ELAC2: variants seen among roughly 807,000 people sequenced by gnomAD.
ELAC2 encodes the protein elaC ribonuclease Z 2.
A neutral mutation model predicts 105.2 loss-of-function variants in ELAC2; 92 were observed. The observed-to-expected ratio is 0.87, with a 90% CI of 0.74 to 1.04. ELAC2 has a LOEUF of 1.04. ELAC2 is among the 50% of genes least tolerant of loss of function. The pLI is 0.00. For synonymous variants in ELAC2, 468 were observed against 409.1 expected (o/e 1.14, Z -1.74); for missense variants, 1,099 against 1,071.7 (o/e 1.03, Z -0.36).
In ELAC2 at chr17:13,000,242, A is replaced by C; in HGVS notation, c.1337T>G (p.Phe446Cys). 6.2e-7 allele frequency: 1 copy of C among 1,614,148 alleles called. No homozygotes were observed. Among genetic ancestry groups the C allele is most frequent in the Non-Finnish European group, 8.5e-7 (1 of 1,180,036 alleles). ...DAIITCNPEE[F>C]IVEALQLPNF... is the part of the protein sequence containing the mutation. ...GGGAAGCTGCAGCGCCTCAACTATG[A>C]ATTCCTCAGGATTGCAAGTAATAAT... Residue 446 changes from phenylalanine to cysteine, a missense_variant, in exon 15 of 24, where the codon TTC becomes TGC. Physicochemically the swap from Phe to Cys is radical, Grantham distance 205. Transcript: ENST00000338034.
chr17:13,011,527 G>C, intron 7 of ELAC2, 136 bp downstream of exon 7: 1 of 1,454,812 alleles, frequency 6.9e-7, no homozygotes, highest in South Asian at 1.2e-5. Flanking sequence ...AACGGGCCAA[G>C]TTATAGTAAG....
chr17:12,994,178 T>C (rs1309404020), intron 22 of ELAC2, among the ~76,000 whole-genome samples: 2 of 152,212 alleles, frequency 1.3e-5, no homozygotes, highest in Non-Finnish European at 2.9e-5. Context: ...ACATGGCTTA[T>C]AGTTTATTCA....
At chr17:12,994,385 G>T (rs372106847) in intron 22 of ELAC2, 40 bp downstream of exon 22, 1 of 1,608,548 alleles carries the variant, frequency 6.2e-7, no homozygotes, top group Admixed American at 1.7e-5. Flanking sequence ...GTGGGGGAGG[G>T]AGAGGATGTG....
At position 12,993,801 on chromosome 17, in the gene ELAC2, C is replaced by T; in HGVS notation, c.2139G>A (p.Met713Ile). The T allele has an allele frequency of 1.2e-6, 2 of 1,614,204 alleles. No homozygotes were observed. The highest frequency in any genetic ancestry group is 1.7e-6 in the Non-Finnish European group (2 of 1,180,046). Residue 713 changes from methionine (M) to isoleucine (I), a missense_variant, in exon 23 of 24, where the codon ATG becomes ATA. By Grantham distance (10) the Met-to-Ile change is conservative. Transcript: ENST00000338034. ...STTSQAISVGMRMNAEFIMLN... is the reference protein window; with the variant it reads ...STTSQAISVGIRMNAEFIMLN... ...GCATAATGAACTCCGCGTTCATCCGCATCCCCACGCTGATGGCTTGGGACG... is the reference window on the plus strand; with the variant it reads ...GCATAATGAACTCCGCGTTCATCCGTATCCCCACGCTGATGGCTTGGGACG...
At position 13,000,499 on chromosome 17, in the gene ELAC2, C is replaced by T. The variant is rs75426043; in HGVS notation, c.1305-225G>A. ...CAGTCAACGGGGAACTACTGATGCTCAGGGCAAGACAGTTTTTTTCTGTGG... is the reference window on the plus strand; with the variant it reads ...CAGTCAACGGGGAACTACTGATGCTTAGGGCAAGACAGTTTTTTTCTGTGG... On this transcript the variant is annotated intron_variant, in intron 14 of 23. Transcript: ENST00000338034. 60,145 of 572,224 alleles carry T rather than the reference C, an allele frequency of 0.11. 3,764 individuals carry two copies. Among genetic ancestry groups the T allele is most frequent in the Middle Eastern group, 0.21 (434 of 2,090 alleles). The allele number at this position is 572,224 out of a possible 1,614,324, so 35.4% of individuals were successfully genotyped here.
Position 12,992,147 on chromosome 17 carries a change from AT to A in ELAC2, c.*670del, listed in dbSNP as rs60698311. On this transcript the variant is annotated 3_prime_UTR_variant, in exon 24 of 24. Transcript: ENST00000338034. ...ATTGATTTGATTGATTGATTGATTG[AT>A]TGATAGAGAAAGCACGCCCTGCTGT... Among the ~76,000 whole-genome samples the A allele has an allele frequency of 0.057, 8,633 of 150,886 alleles. 319 individuals are homozygous for A. The highest frequency in any genetic ancestry group is 0.1 in the African/African-American group (4,036 of 40,442).
Position 13,000,190 on chromosome 17 carries a change from G to C in ELAC2, c.1389C>G (p.Tyr463Ter), listed in dbSNP as rs77972324. 2 of 1,613,970 alleles carry C rather than the reference G, an allele frequency of 1.2e-6. No individual in the cohort carries two copies. The highest frequency in any genetic ancestry group is 2.2e-5 in the South Asian group (2 of 91,064). The change falls in exon 15 of 24, where the codon TAC (tyrosine) becomes TAG (stop). Residue 463 changes from tyrosine (Y) to a stop codon, truncating the protein, a stop_gained. Coordinates refer to ENST00000338034, the MANE Select transcript of ELAC2 (RefSeq NM_018127.7). LOFTEE classifies it high-confidence loss of function. ...CTGGGCCGTCCTGCGCACTCCTCCT[G>C]TACTCCTGCACGCTCTGCTGGAAGT... ...LPNFQQSVQE[Y>*]RRSAQDGPAP...
intron 6 of ELAC2, among the ~76,000 whole-genome samples, chr17:13,012,451 T>C (rs573848205): frequency 6.6e-6 from 1 of 152,306 alleles, no homozygotes; most frequent in East Asian, 1.9e-4. Context: ...ATGGGAGTGC[T>C]GATCAGCTCA....
intron 17 of ELAC2, 115 bp downstream of exon 17, chr17:12,996,432 G>T: frequency 1.3e-6 from 2 of 1,514,064 alleles, no homozygotes; most frequent in Non-Finnish European, 9.1e-7. Context: ...CCAGAGATGA[G>T]TAACAAAAGC....
chr17:13,000,138 C>A lies in ELAC2; in HGVS notation c.1423+18G>T. ...CAGAGCCCAGGAAAGAAAGGCTGCT[C>A]TGTGGGCTCCCACTCACCTGCTGGG... On this transcript the variant is annotated intron_variant, in intron 15 of 23. Transcript: ENST00000338034. 6.2e-7 allele frequency: 1 copy of A among 1,607,906 alleles called. No homozygotes were observed. Among genetic ancestry groups the A allele is most frequent in the Non-Finnish European group, 8.5e-7 (1 of 1,175,708 alleles).
chr17:12,996,718 A>T (rs1598206179), intron 16 of ELAC2, 33 bp from the exon 17 acceptor site: 1 of 1,607,710 alleles, frequency 6.2e-7, no homozygotes, highest in South Asian at 1.1e-5. Context: ...AGTCACTGCC[A>T]CTAGGAAGAC....
Position 12,996,435 on chromosome 17 carries a change from A to T in ELAC2, c.1659+112T>A. On this transcript the variant is annotated intron_variant, in intron 17 of 23. Coordinates refer to ENST00000338034, the MANE Select transcript of ELAC2 (RefSeq NM_018127.7). ...ACCATTTCCTAGCCAGAGATGAGTA[A>T]CAAAAGCTCTGGGCAAGTTTGGAAG... 13 of 1,540,992 alleles carry T rather than the reference A, an allele frequency of 8.4e-6. No individual in the cohort carries two copies. The South Asian group carries it at 1.5e-4, about 17-fold the overall frequency.
At chr17:13,013,167 C>T (rs756011329) in intron 6 of ELAC2, 40 bp downstream of exon 6, 59 of 1,602,294 alleles carry the variant, frequency 3.7e-5, no homozygotes, top group Middle Eastern at 1.6e-4. Flanking sequence ...TTACTCAGGA[C>T]GTACACCCTC....
At position 13,005,018 on chromosome 17, in the gene ELAC2, T is replaced by A. The variant is rs755028251; in HGVS notation, c.954A>T (p.Gln318His). 6.2e-7 allele frequency: 1 copy of A among 1,614,084 alleles called. No individual in the cohort carries two copies. The highest frequency in any genetic ancestry group is 1.1e-5 in the South Asian group (1 of 91,082). The change falls in exon 11 of 24, where the codon CAA (glutamine) becomes CAT (histidine). Residue 318 changes from glutamine (Q) to histidine (H), a missense_variant. By Grantham distance (24) the Gln-to-His change is conservative. Coordinates refer to ENST00000338034, the MANE Select transcript of ELAC2 (RefSeq NM_018127.7). ...GAAAGGTGGCATTCTCACAGATGGG[T>A]TGAATGAAGCTTTCATCTGGACATT... ...VVECPDESFIQPICENATFQR... is the reference protein window; with the variant it reads ...VVECPDESFIHPICENATFQR...
At chr17:13,000,060 T>C in intron 15 of ELAC2, 96 bp downstream of exon 15, 2 of 1,131,876 alleles carry the variant, frequency 1.8e-6, no homozygotes, top group African/African-American at 3.1e-5. Flanking sequence ...AAAGCCAGGT[T>C]AGAATGCGCC....
chr17:13,016,771 G>T, intron 3 of ELAC2, 91 bp downstream of exon 3: 9 of 1,054,030 alleles, frequency 8.5e-6, no homozygotes, highest in African/African-American at 1.7e-5. Context: ...AAAAAAAGTA[G>T]CTGCCCACCC....
chr17:13,007,100 G>C (rs572887822), intron 8 of ELAC2, among the ~76,000 whole-genome samples: 29 of 148,100 alleles, frequency 2.0e-4, no homozygotes, highest in Non-Finnish European at 4.2e-4. Flanking sequence ...GACAGAGTGA[G>C]ACTCTGTCTC....
intron 4 of ELAC2, among the ~76,000 whole-genome samples, chr17:13,015,123 T>C (rs2041648681): frequency 6.6e-6 from 1 of 152,226 alleles, no homozygotes; most frequent in Non-Finnish European, 1.5e-5. Flanking sequence ...GACACACTAC[T>C]TTTCTGTCTT....
chr17:13,008,593 T>G (rs1404258798), intron 8 of ELAC2, among the ~76,000 whole-genome samples: 1 of 152,132 alleles, frequency 6.6e-6, no homozygotes, highest in Non-Finnish European at 1.5e-5. Context: ...CATGGAGATA[T>G]GTTCCTCTCT....
Sources: allele counts gnomAD v4.1 joint callset (sites outside exome capture counted in the v4.1 genomes callset), GRCh38; gene constraint gnomAD v4.1.1; transcripts MANE v1.5; gene names NCBI Gene and HGNC (gene_info 2026-07-23, HGNC 2026-07-21).